Variants in NCKAP5 observed in about 807,000 individuals in gnomAD.
NCKAP5 encodes the protein nck-associated protein 5.
In NCKAP5, 92 loss-of-function variants were observed where a neutral mutation model predicts 167.0. The observed-to-expected ratio is 0.55, with a 90% CI of 0.47 to 0.66. The LOEUF (loss-of-function observed/expected upper bound fraction) is 0.66, where lower values mean the gene tolerates loss of function less well. Ranked by LOEUF, NCKAP5 falls within the 30% of genes least tolerant of loss-of-function variation. NCKAP5 has a pLI of 0.00. For missense variants in NCKAP5, 2,378 were observed against 2,315.0 expected, an observed-to-expected ratio of 1.03 and a Z score of -0.56; for synonymous variants, 891 against 877.4, an observed-to-expected ratio of 1.02 and a Z score of -0.27.
intron 3 of NCKAP5, among the ~76,000 whole-genome samples, chr2:133,339,416 G>A (rs1032205608): frequency 2.6e-5 from 4 of 152,144 alleles, no homozygotes; most frequent in African/African-American, 9.7e-5. Flanking sequence ...AAAGTGTATA[G>A]GTTGCTCTGG....
intron 5 of NCKAP5, among the ~76,000 whole-genome samples, chr2:133,191,083 A>G (rs2085197164): frequency 6.6e-6 from 1 of 152,078 alleles, no homozygotes; most frequent in African/African-American, 2.4e-5. Flanking sequence ...AAGAAAAAAA[A>G]TCAAACAACC....
chr2:132,779,368 G>A (rs1368148895), intron 15 of NCKAP5, among the ~76,000 whole-genome samples: 1 of 152,160 alleles, frequency 6.6e-6, no homozygotes, highest in Non-Finnish European at 1.5e-5. Context: ...GTTAAATTGA[G>A]TGCCTCTGAT....
intron 3 of NCKAP5, among the ~76,000 whole-genome samples, chr2:133,505,894 T>C (rs1001621265): frequency 1.3e-5 from 2 of 152,240 alleles, no homozygotes; most frequent in African/African-American, 2.4e-5. Flanking sequence ...GTCATAACAA[T>C]GTATTTCCTT....
At chr2:133,459,142 G>A (rs1222315239) in intron 3 of NCKAP5, among the ~76,000 whole-genome samples, 1 of 152,140 alleles carries the variant, frequency 6.6e-6, no homozygotes, top group Non-Finnish European at 1.5e-5. Context: ...TGTAGCATTT[G>A]GCATCTGGCT....
At chr2:133,016,059 G>C (rs1296536930) in intron 6 of NCKAP5, among the ~76,000 whole-genome samples, 1 of 151,620 alleles carries the variant, frequency 6.6e-6, no homozygotes, top group Non-Finnish European at 1.5e-5. Context: ...AAATTAGAAA[G>C]GTGGGAGAGA....
At chr2:132,794,831 G>A (rs1574246939) in intron 12 of NCKAP5, among the ~76,000 whole-genome samples, 2 of 152,102 alleles carry the variant, frequency 1.3e-5, no homozygotes, top group East Asian at 3.9e-4. Flanking sequence ...AAAAGTGGAT[G>A]GACTTTGTTA....
intron 5 of NCKAP5, among the ~76,000 whole-genome samples, chr2:133,173,219 A>T (rs2084321969): frequency 6.6e-6 from 1 of 152,178 alleles, no homozygotes; most frequent in Non-Finnish European, 1.5e-5. Context: ...ATTGCCAGAG[A>T]CAACTTGATA....
chr2:133,616,825 C>A, the NCKAP5 span, among the ~76,000 whole-genome samples: 2 of 152,058 alleles, frequency 1.3e-5, no homozygotes, highest in Admixed American at 1.3e-4. Context: ...ATCCTGATAC[C>A]AAAGCTGGGC....
At chr2:133,659,175 T>A in the NCKAP5 span, among the ~76,000 whole-genome samples, 2 of 152,058 alleles carry the variant, frequency 1.3e-5, no homozygotes, top group Non-Finnish European at 2.9e-5. Context: ...GTTTCCTCAT[T>A]TGCAAACACA....
At position 132,783,510 on chromosome 2, in the gene NCKAP5, T is replaced by TG; in HGVS notation, c.3300dup (p.Lys1101GlnfsTer9). ...TCATTTACCCCTAAGAAGGAAGGCT[T>TG]GGGGGGTGTGGAGGCGCTATCATTC... On this transcript the variant is annotated frameshift_variant, in exon 14 of 20. Coordinates refer to ENST00000409261, the MANE Select transcript of NCKAP5 (RefSeq NM_207363.3). LOFTEE classifies it high-confidence loss of function. The TG allele has an allele frequency of 6.2e-7, 1 of 1,612,034 alleles. No individual in the cohort carries two copies. Among genetic ancestry groups the TG allele is most frequent in the Non-Finnish European group, 8.5e-7 (1 of 1,178,912 alleles).
chr2:132,766,032 G>A (rs13033310), intron 16 of NCKAP5, among the ~76,000 whole-genome samples: 40,312 of 151,668 alleles, frequency 0.27, 5,584 homozygotes, highest in East Asian at 0.3. Flanking sequence ...CTGTAATCCC[G>A]GCACTTTGGG....
intron 3 of NCKAP5, among the ~76,000 whole-genome samples, chr2:133,396,402 T>C (rs1687734316): frequency 6.6e-6 from 1 of 152,080 alleles, no homozygotes; most frequent in South Asian, 2.1e-4. Context: ...ACTAATTCTT[T>C]CCCTTCTCAA....
intron 11 of NCKAP5, among the ~76,000 whole-genome samples, chr2:132,846,590 T>C (rs1839004): frequency 0.64 from 97,019 of 151,986 alleles, 32,404 homozygotes; most frequent in East Asian, 0.91. Context: ...CAGGTGTGAC[T>C]CACTATGCCT....
intron 6 of NCKAP5, among the ~76,000 whole-genome samples, chr2:133,029,196 T>C (rs1183135795): frequency 3.9e-5 from 6 of 152,254 alleles, no homozygotes; most frequent in Non-Finnish European, 7.3e-5. Flanking sequence ...CCATACATTT[T>C]ACAGCAACAT....
At chr2:133,433,259 A>G (rs1690269760) in intron 3 of NCKAP5, among the ~76,000 whole-genome samples, 2 of 152,238 alleles carry the variant, frequency 1.3e-5, no homozygotes, top group South Asian at 4.1e-4. Flanking sequence ...ATATCAACCA[A>G]GGAATGATTT....
chr2:133,494,203 G>T (rs1368561732), intron 3 of NCKAP5, among the ~76,000 whole-genome samples: 1 of 152,176 alleles, frequency 6.6e-6, no homozygotes, highest in Non-Finnish European at 1.5e-5. Context: ...ACCCTTCATT[G>T]TACCTTAAGT....
chr2:133,638,634 C>T, the NCKAP5 span, among the ~76,000 whole-genome samples: 5 of 152,114 alleles, frequency 3.3e-5, no homozygotes, highest in South Asian at 2.1e-4. Context: ...CTGAGGTGGG[C>T]GGATCATGAG....
chr2:133,256,068 T>C (rs1476633988), intron 4 of NCKAP5, among the ~76,000 whole-genome samples: 1 of 152,134 alleles, frequency 6.6e-6, no homozygotes, highest in South Asian at 2.1e-4. Flanking sequence ...AAAAAAGCAA[T>C]CTGCTTGATG....
intron 8 of NCKAP5, among the ~76,000 whole-genome samples, chr2:132,946,276 G>A (rs1202848334): frequency 6.6e-6 from 1 of 152,118 alleles, no homozygotes; most frequent in Non-Finnish European, 1.5e-5. Flanking sequence ...CTGTCCTCTG[G>A]TAGAGCCAAT....
Sources: gnomAD v4.1 joint callset for allele counts (sites outside exome capture counted in the v4.1 genomes callset) on GRCh38, gnomAD v4.1.1 for gene constraint, MANE v1.5 for transcripts, NCBI Gene and HGNC (gene_info 2026-07-23, HGNC 2026-07-21) for gene names.